PBX3: variants seen among roughly 807,000 people sequenced by gnomAD.
PBX3 encodes PBX homeobox 3.
In PBX3, 14 loss-of-function variants were observed where a neutral mutation model predicts 48.5. The ratio of observed to expected loss-of-function variants is 0.29; its 90% CI spans 0.19 to 0.45. The LOEUF is 0.45. PBX3 is among the 20% of genes least tolerant of loss of function. The probability of loss-of-function intolerance (pLI) is 1.00; values close to 1 mark genes in which losing one functional copy is unlikely to be tolerated. For synonymous variants in PBX3, 210 were observed against 200.3 expected, an observed-to-expected ratio of 1.05 and a Z score of -0.41; for missense variants, 386 against 546.7, an observed-to-expected ratio of 0.71 and a Z score of 2.93.
At chr9:125,846,617 G>A (rs1839431473) in intron 2 of PBX3, among the ~76,000 whole-genome samples, 1 of 151,848 alleles carries the variant, frequency 6.6e-6, no homozygotes, top group Admixed American at 6.6e-5. Context: ...CCAACTTATG[G>A]CCAATCCTGC....
intron 3 of PBX3, among the ~76,000 whole-genome samples, chr9:125,917,116 G>T (rs1841351388): frequency 1.3e-5 from 2 of 152,138 alleles, no homozygotes; most frequent in South Asian, 4.1e-4. Flanking sequence ...TTTCACCCAT[G>T]AGTATTTCAC....
In PBX3 at chr9:125,759,247, CAG is replaced by C. The variant is rs1836600171; in HGVS notation, c.274+10625_274+10626del. ...TGGCAAAAATCTGCCCTAAATGCCT[CAG>C]TAAATATATGCTGGAGAACAGAAGC... On this transcript the variant is annotated intron_variant, in intron 2 of 8. Coordinates refer to ENST00000373489, the MANE Select transcript of PBX3 (RefSeq NM_006195.6). This position sits in a 1 kb window ranked among gnomAD's most constrained non-coding sequence, Gnocchi z 4.2. Among the ~76,000 whole-genome samples the C allele has an allele frequency of 6.6e-6, 1 of 152,186 alleles. No individual in the cohort carries two copies. The highest frequency in any genetic ancestry group is 2.4e-5 in the African/African-American group (1 of 41,428).
At chr9:125,945,888 T>A (rs1842055246) in intron 5 of PBX3, among the ~76,000 whole-genome samples, 1 of 152,188 alleles carries the variant, frequency 6.6e-6, no homozygotes, top group South Asian at 2.1e-4. Context: ...TGGGAATGGA[T>A]GAAGTTGCCC....
chr9:125,820,194 G>A (rs1171747353), intron 2 of PBX3, among the ~76,000 whole-genome samples: 1 of 152,182 alleles, frequency 6.6e-6, no homozygotes, highest in Admixed American at 6.5e-5. Context: ...TAGTCTTAGT[G>A]TAGTCTACTC....
chr9:125,754,896 A>G (rs1216229681), intron 2 of PBX3, among the ~76,000 whole-genome samples: 1 of 152,124 alleles, frequency 6.6e-6, no homozygotes, highest in East Asian at 1.9e-4. Flanking sequence ...ATGGATAAAA[A>G]TAATTGTTAA....
intron 2 of PBX3, among the ~76,000 whole-genome samples, chr9:125,876,466 C>G (rs1371857773): frequency 6.6e-6 from 1 of 152,138 alleles, no homozygotes; most frequent in African/African-American, 2.4e-5. Flanking sequence ...GGATGAAGAC[C>G]TTTGTGATGA....
intron 2 of PBX3, among the ~76,000 whole-genome samples, chr9:125,816,416 T>A (rs1343887495): frequency 1.3e-5 from 2 of 152,244 alleles, no homozygotes; most frequent in Non-Finnish European, 2.9e-5. Context: ...TCCAGAGCGA[T>A]GCTTGCTTTT....
At chr9:125,804,544 G>A (rs1380708034) in intron 2 of PBX3, among the ~76,000 whole-genome samples, 1 of 152,124 alleles carries the variant, frequency 6.6e-6, no homozygotes, top group African/African-American at 2.4e-5. Context: ...ATCTCCTTCT[G>A]TCCCATCTCT....
intron 2 of PBX3, among the ~76,000 whole-genome samples, chr9:125,890,570 C>A (rs1345919990): frequency 6.6e-6 from 1 of 152,182 alleles, no homozygotes; most frequent in Non-Finnish European, 1.5e-5. Flanking sequence ...GTCACCACTG[C>A]CTTCCCCCAT....
At chr9:125,946,348 A>G (rs1374589918) in intron 5 of PBX3, among the ~76,000 whole-genome samples, 3 of 152,218 alleles carry the variant, frequency 2.0e-5, no homozygotes, top group Non-Finnish European at 4.4e-5. Flanking sequence ...TCACAGAAAG[A>G]AACAGATATA....
rs80170656 is a variant in PBX3, at chr9:125,855,283, T to G, written c.275-60403T>G. ...ATATATTTAATTTTATAGATTGAGT[T>G]TAGGATATTTTTATTAACTTTTTTT... is the stretch of plus-strand genomic sequence containing the variant. On this transcript the variant is annotated intron_variant, in intron 2 of 8. Transcript: ENST00000373489. Among the ~76,000 whole-genome samples, 64 of 152,272 alleles carry G rather than the reference T, an allele frequency of 4.2e-4. No individual in the cohort carries two copies. In the East Asian group the frequency reaches 0.012, roughly 29 times the overall value.
intron 2 of PBX3, among the ~76,000 whole-genome samples, chr9:125,899,276 T>TAC (rs1564163222): frequency 2.3e-4 from 27 of 115,412 alleles, no homozygotes; most frequent in African/African-American, 8.2e-4. Flanking sequence ...TAAATATACA[T>TAC]ATGTATATAT....
chr9:125,953,627 G>A (rs954677445), intron 5 of PBX3, among the ~76,000 whole-genome samples: 4 of 152,174 alleles, frequency 2.6e-5, no homozygotes, highest in Admixed American at 2.6e-4. Flanking sequence ...TAAGTAAACT[G>A]TATCTACCTC....
intron 3 of PBX3, among the ~76,000 whole-genome samples, chr9:125,919,139 G>A (rs10819084): frequency 0.062 from 9,476 of 151,984 alleles, 688 homozygotes; most frequent in East Asian, 0.17. Context: ...ATTCAGGTAC[G>A]TTCTGGTTTT....
chr9:125,804,981 GGAA>G (rs1350082420), intron 2 of PBX3, among the ~76,000 whole-genome samples: 1 of 140,718 alleles, frequency 7.1e-6, no homozygotes, highest in Non-Finnish European at 1.6e-5. Flanking sequence ...AAGAAGAAGA[GGAA>G]GAAGACAGAT....
chr9:125,818,128 G>A (rs1838522095), intron 2 of PBX3, among the ~76,000 whole-genome samples: 1 of 151,772 alleles, frequency 6.6e-6, no homozygotes, highest in South Asian at 2.1e-4. Flanking sequence ...GAACCCGGGA[G>A]GCGGAGGTTG....
intron 2 of PBX3, among the ~76,000 whole-genome samples, chr9:125,788,600 T>C (rs1240937483): frequency 6.6e-6 from 1 of 151,988 alleles, no homozygotes; most frequent in Non-Finnish European, 1.5e-5. Context: ...GGGCCGGGCA[T>C]GGTGGCTTAC....
chr9:125,810,485 C>T (rs1056780653), intron 2 of PBX3, among the ~76,000 whole-genome samples: 1 of 151,816 alleles, frequency 6.6e-6, no homozygotes. Context: ...TGTCTTTTTA[C>T]AGAATTTCAT....
Position 125,759,140 on chromosome 9 carries a change from G to A in PBX3, c.274+10517G>A, listed in dbSNP as rs983206160. Among the ~76,000 whole-genome samples the A allele has an allele frequency of 1.3e-5, 2 of 152,196 alleles. No individual in the cohort carries two copies. The highest frequency in any genetic ancestry group is 2.9e-5 in the Non-Finnish European group (2 of 68,034). On this transcript the variant is annotated intron_variant, in intron 2 of 8. Coordinates refer to ENST00000373489, the MANE Select transcript of PBX3 (RefSeq NM_006195.6). This position sits in a 1 kb window ranked among gnomAD's most constrained non-coding sequence, Gnocchi z 4.2. ...TTAAAAAAATGTGGTCAGGTCCAGA[G>A]TGACACTGAGTGGCAGCAGAGCTGT...
Sources: allele counts gnomAD v4.1 joint callset (sites outside exome capture counted in the v4.1 genomes callset), GRCh38; gene constraint gnomAD v4.1.1; non-coding constraint Gnocchi (gnomAD v3.1); transcripts MANE v1.5; gene names NCBI Gene and HGNC (gene_info 2026-07-23, HGNC 2026-07-21).